TTC7B: variants seen among roughly 807,000 people sequenced by gnomAD.
TTC7B encodes the protein tetratricopeptide repeat protein 7B.
A neutral mutation model predicts 106.8 loss-of-function variants in TTC7B; 28 were observed. That is an observed-to-expected ratio of 0.26 (90% CI 0.19 to 0.36). The LOEUF is 0.36. Ranked by LOEUF, TTC7B falls within the 10% of genes least tolerant of loss-of-function variation. TTC7B has a pLI of 1.00. For missense variants in TTC7B, 862 were observed against 1,076.4 expected (o/e 0.80, Z 2.79); for synonymous variants, 405 against 430.6 (o/e 0.94, Z 0.74).
rs192743175 is a variant in TTC7B at position 90,529,253 on chromosome 14, T to C, written c.*12115A>G. ...ATTTTGCATTCATGGGGGCACCGTCTGGCAAGGTGAGCTTGTCAGGGAGAG... is the reference window on the plus strand; with the variant it reads ...ATTTTGCATTCATGGGGGCACCGTCCGGCAAGGTGAGCTTGTCAGGGAGAG... On this transcript the variant is annotated 3_prime_UTR_variant, in exon 20 of 20. Transcript: ENST00000328459. The C allele has an allele frequency of 1.8e-3, 281 of 152,942 alleles. No homozygotes were observed. The highest frequency in any genetic ancestry group is 3.4e-3 in the Middle Eastern group (1 of 296). 9.5% of individuals were successfully genotyped at this position (152,942 alleles called of 1,614,324 possible).
At chr14:90,637,608 G>A (rs191727368) in intron 15 of TTC7B, among the ~76,000 whole-genome samples, 6 of 152,222 alleles carry the variant, frequency 3.9e-5, no homozygotes, top group Admixed American at 2.6e-4. Context: ...ACACAAACGC[G>A]AAGTTCTCTA....
chr14:90,525,381 A>G lies in TTC7B; in HGVS notation c.*15987T>C, dbSNP rs1889122786. 1 of 152,254 alleles carries G rather than the reference A, an allele frequency of 6.6e-6. No individual in the cohort carries two copies. The highest frequency in any genetic ancestry group is 6.5e-5 in the Admixed American group (1 of 15,278). 9.4% of individuals were successfully genotyped at this position (152,254 alleles called of 1,614,324 possible). A position where few individuals can be genotyped will look rare whatever the true frequency, so the allele number is the denominator to read the frequency against. The stretch of plus-strand genomic sequence containing the variant: ...TATTACAAATAAAGCTGCTATAAAC[A>G]TTTGCGGAGAAGTCTTTGTATTTGA... On this transcript the variant is annotated 3_prime_UTR_variant, in exon 20 of 20. Coordinates refer to ENST00000328459, the MANE Select transcript of TTC7B (RefSeq NM_001010854.2).
intron 6 of TTC7B, 94 bp from the exon 7 acceptor site, chr14:90,689,806 T>C: frequency 1.4e-6 from 2 of 1,401,584 alleles, no homozygotes; most frequent in East Asian, 2.4e-5. Context: ...CATCACATTG[T>C]GCTAAGCACT....
At chr14:90,693,068 C>A (rs1311983680) in intron 6 of TTC7B, among the ~76,000 whole-genome samples, 1 of 152,110 alleles carries the variant, frequency 6.6e-6, no homozygotes, top group Non-Finnish European at 1.5e-5. Context: ...TGACATGAAT[C>A]TCTTAGCCAT....
chr14:90,770,875 A>G (rs1890841539), intron 3 of TTC7B, among the ~76,000 whole-genome samples: 1 of 150,538 alleles, frequency 6.6e-6, no homozygotes, highest in South Asian at 2.1e-4. Flanking sequence ...AGACGAAAGA[A>G]AATTCTGACA....
At chr14:90,683,203 G>T (rs1250863115) in intron 7 of TTC7B, among the ~76,000 whole-genome samples, 2 of 152,130 alleles carry the variant, frequency 1.3e-5, no homozygotes, top group Non-Finnish European at 2.9e-5. Flanking sequence ...TCTCTATTTA[G>T]GTGCAGGGAG....
chr14:90,800,054 G>C (rs934113787), intron 1 of TTC7B, among the ~76,000 whole-genome samples: 4 of 152,034 alleles, frequency 2.6e-5, no homozygotes, highest in Non-Finnish European at 4.4e-5. Flanking sequence ...GGATGGTCTC[G>C]ATCTCCTGAC....
chr14:90,573,742 C>T (rs1891144307), intron 19 of TTC7B, among the ~76,000 whole-genome samples: 3 of 152,250 alleles, frequency 2.0e-5, no homozygotes, highest in Admixed American at 2.0e-4. Context: ...TCCGCCAAGC[C>T]CTGGCTGACC....
chr14:90,753,084 AT>A lies in TTC7B; in HGVS notation c.446-8163del, dbSNP rs1376663105. Among the ~76,000 whole-genome samples the A allele has an allele frequency of 2.6e-5, 4 of 152,198 alleles. 1 individual carries two copies. In the East Asian group the frequency reaches 7.7e-4, roughly 29 times the overall value. On this transcript the variant is annotated intron_variant, in intron 3 of 19. Coordinates refer to ENST00000328459, the MANE Select transcript of TTC7B (RefSeq NM_001010854.2). Reference sequence around the variant, plus strand: ...ACTAACAGCTAAAACAAATATTTTGATTTTTTTGAACTGCATTGAAATGGAC... The same window carrying A: ...ACTAACAGCTAAAACAAATATTTTGATTTTTTGAACTGCATTGAAATGGAC...
At chr14:90,548,105 G>A (rs562306335) in intron 19 of TTC7B, among the ~76,000 whole-genome samples, 19 of 152,290 alleles carry the variant, frequency 1.2e-4, no homozygotes, top group Non-Finnish European at 2.4e-4. Flanking sequence ...TCTACGCCAG[G>A]GCATGGCTGA....
intron 19 of TTC7B, among the ~76,000 whole-genome samples, chr14:90,546,972 G>A (rs1216272295): frequency 2.0e-5 from 3 of 152,240 alleles, no homozygotes; most frequent in African/African-American, 7.2e-5. Flanking sequence ...GCCTGCAGCT[G>A]TGCTGCGTGT....
At position 90,578,440 on chromosome 14, in the gene TTC7B, A is replaced by G; in HGVS notation, c.2108-132T>C. ...GCAGAGCCAGCTGATCCCTGCTCCA[A>G]GTGGAAACAGCTGCCGCTGACAGTC... is the stretch of plus-strand genomic sequence containing the variant. On this transcript the variant is annotated intron_variant, in intron 18 of 19. Coordinates refer to ENST00000328459, the MANE Select transcript of TTC7B (RefSeq NM_001010854.2). This position sits in a 1 kb window ranked among gnomAD's most constrained non-coding sequence, Gnocchi z 4.7. The G allele has an allele frequency of 8.9e-6, 8 of 894,912 alleles. No homozygotes were observed. Among genetic ancestry groups the G allele is most frequent in the East Asian group, 2.6e-5 (1 of 38,046 alleles). The allele number at this position is 894,912 out of a possible 1,614,324, so 55.4% of individuals were successfully genotyped here.
At chr14:90,558,602 T>G (rs1472705656) in intron 19 of TTC7B, among the ~76,000 whole-genome samples, 2 of 152,212 alleles carry the variant, frequency 1.3e-5, no homozygotes, top group African/African-American at 2.4e-5. Flanking sequence ...CACCTTCTGA[T>G]GAAGGGAGGC....
intron 1 of TTC7B, among the ~76,000 whole-genome samples, chr14:90,786,704 C>T (rs917047578): frequency 5.9e-5 from 9 of 152,222 alleles, no homozygotes; most frequent in African/African-American, 1.7e-4. Flanking sequence ...CTCAGCTTCC[C>T]GAGTAGCTGG....
chr14:90,535,713 C>G lies in TTC7B; in HGVS notation c.*5655G>C, dbSNP rs1251007355. 6.6e-6 allele frequency: 1 copy of G among 152,348 alleles called. No individual in the cohort carries two copies. The highest frequency in any genetic ancestry group is 1.5e-5 in the Non-Finnish European group (1 of 68,130). 9.4% of individuals were successfully genotyped at this position (152,348 alleles called of 1,614,324 possible). ...CAACCTGGCTTGACCCCACCTTAGT[C>G]AGCTTGGGCTGCCGTAAGAAAACCG... On this transcript the variant is annotated 3_prime_UTR_variant, in exon 20 of 20. Coordinates refer to ENST00000328459, the MANE Select transcript of TTC7B (RefSeq NM_001010854.2).
intron 15 of TTC7B, among the ~76,000 whole-genome samples, chr14:90,638,174 T>C (rs1885026017): frequency 6.6e-6 from 1 of 152,150 alleles, no homozygotes; most frequent in African/African-American, 2.4e-5. Flanking sequence ...CGTGGACCAC[T>C]GCACCCAGCT....
At chr14:90,816,046 T>G in intron 1 of TTC7B, 129 bp downstream of exon 1, 1 of 958,186 alleles carries the variant, frequency 1.0e-6, no homozygotes, top group Non-Finnish European at 1.2e-6. Flanking sequence ...GCACATCCCC[T>G]GGGCCGCAGC....
At chr14:90,803,625 CCAGAAGAAGTTGG>C (rs2030410297) in intron 1 of TTC7B, among the ~76,000 whole-genome samples, 1 of 152,080 alleles carries the variant, frequency 6.6e-6, no homozygotes. Context: ...ATGAAGGGGC[CCAGAAGAAGTTGG>C]CAGAAACAAT....
Position 90,526,004 on chromosome 14 carries a change from T to C in TTC7B, c.*15364A>G, listed in dbSNP as rs1035679981. On this transcript the variant is annotated 3_prime_UTR_variant, in exon 20 of 20. Coordinates refer to ENST00000328459, the MANE Select transcript of TTC7B (RefSeq NM_001010854.2). ...AAAATAAAAAAAAAAAAGAAGTCTT[T>C]GTATTTTATATTTGTACATATATTT... The C allele has an allele frequency of 1.3e-5, 2 of 151,898 alleles. No homozygotes were observed. The highest frequency in any genetic ancestry group is 4.8e-5 in the African/African-American group (2 of 41,274). 9.4% of individuals were successfully genotyped at this position (151,898 alleles called of 1,614,324 possible). A position where few individuals can be genotyped will look rare whatever the true frequency, so the allele number is the denominator to read the frequency against.
Sources: allele counts gnomAD v4.1 joint callset (sites outside exome capture counted in the v4.1 genomes callset), GRCh38; gene constraint gnomAD v4.1.1; non-coding constraint Gnocchi (gnomAD v3.1); transcripts MANE v1.5; gene names NCBI Gene and HGNC (gene_info 2026-07-23, HGNC 2026-07-21).